Variants in EPHA6 observed in about 807,000 individuals in gnomAD.
EPHA6 encodes the protein ephrin type-A receptor 6.
A neutral mutation model predicts 112.0 loss-of-function variants in EPHA6; 50 were observed. That is an observed-to-expected ratio of 0.45 (90% confidence interval 0.36 to 0.56). The LOEUF (loss-of-function observed/expected upper bound fraction) is 0.56. Ranked by LOEUF, EPHA6 falls within the 20% of genes least tolerant of loss-of-function variation. The probability of loss-of-function intolerance (pLI) is 0.00; values close to 1 mark genes in which losing one functional copy is unlikely to be tolerated. For missense variants in EPHA6, 1,280 were observed against 1,417.4 expected (o/e 0.90, Z 1.56); for synonymous variants, 529 against 490.7 (o/e 1.08, Z -1.03).
At chr3:97,528,819 C>G (rs2092660827) in intron 10 of EPHA6, among the ~76,000 whole-genome samples, 1 of 152,080 alleles carries the variant, frequency 6.6e-6, no homozygotes, top group African/African-American at 2.4e-5. Context: ...ATTGCTTGTC[C>G]AGGAATGTTT....
intron 12 of EPHA6, among the ~76,000 whole-genome samples, chr3:97,603,463 G>A (rs183713451): frequency 5.9e-4 from 90 of 151,824 alleles, no homozygotes; most frequent in Admixed American, 1.6e-3. Flanking sequence ...TATTTTTTCA[G>A]CATTTTTCCA....
intron 14 of EPHA6, among the ~76,000 whole-genome samples, chr3:97,709,197 G>T (rs1439928248): frequency 6.6e-6 from 1 of 151,562 alleles, no homozygotes; most frequent in African/African-American, 2.4e-5. Context: ...ACGCCAGCCT[G>T]TGAAAGCAGC....
chr3:97,382,919 G>C (rs551357650), intron 5 of EPHA6, among the ~76,000 whole-genome samples: 14 of 152,108 alleles, frequency 9.2e-5, no homozygotes, highest in African/African-American at 3.1e-4. Flanking sequence ...AACTAAGGTA[G>C]CAAGATGTCA....
intron 3 of EPHA6, among the ~76,000 whole-genome samples, chr3:97,005,214 C>A (rs1198024066): frequency 6.6e-6 from 1 of 152,080 alleles, no homozygotes; most frequent in Non-Finnish European, 1.5e-5. Flanking sequence ...AGCAGTATGG[C>A]CATTTTCACA....
chr3:96,861,759 G>C (rs1391052345), intron 1 of EPHA6, among the ~76,000 whole-genome samples: 4 of 151,876 alleles, frequency 2.6e-5, no homozygotes, highest in Admixed American at 2.6e-4. Context: ...AAAACAAAAT[G>C]CTGTAAGTAC....
intron 10 of EPHA6, among the ~76,000 whole-genome samples, chr3:97,500,590 C>T (rs2092094130): frequency 6.6e-6 from 1 of 152,200 alleles, no homozygotes; most frequent in Non-Finnish European, 1.5e-5. Flanking sequence ...GCCCGGCCTA[C>T]AACACTGGGG....
At chr3:96,958,775 C>T (rs2041854848) in intron 2 of EPHA6, among the ~76,000 whole-genome samples, 1 of 152,150 alleles carries the variant, frequency 6.6e-6, no homozygotes, top group Non-Finnish European at 1.5e-5. Context: ...GTGGAACTCA[C>T]CCATGTTGAT....
chr3:97,450,248 G>A (rs1020015182), intron 7 of EPHA6, among the ~76,000 whole-genome samples: 2 of 151,818 alleles, frequency 1.3e-5, no homozygotes, highest in Non-Finnish European at 2.9e-5. Context: ...TCCCCTGCCC[G>A]CTTGTCAAAC....
At chr3:97,195,743 T>A (rs1314728502) in intron 3 of EPHA6, among the ~76,000 whole-genome samples, 1 of 152,086 alleles carries the variant, frequency 6.6e-6, no homozygotes, top group Admixed American at 6.6e-5. Context: ...ATTTGAATGA[T>A]ATTTTCACTA....
intron 5 of EPHA6, among the ~76,000 whole-genome samples, chr3:97,274,683 C>T (rs546220610): frequency 6.6e-6 from 1 of 152,160 alleles, no homozygotes; most frequent in South Asian, 2.1e-4. Context: ...GCATAGCCTG[C>T]CTTTGCTGGT....
intron 11 of EPHA6, among the ~76,000 whole-genome samples, chr3:97,541,925 G>T (rs2092861652): frequency 6.6e-6 from 1 of 151,514 alleles, no homozygotes; most frequent in South Asian, 2.1e-4. Context: ...TAACTCACAT[G>T]ATTAGAAGGT....
intron 1 of EPHA6, among the ~76,000 whole-genome samples, chr3:96,839,538 A>T (rs1340972169): frequency 6.6e-6 from 1 of 152,086 alleles, no homozygotes; most frequent in African/African-American, 2.4e-5. Context: ...GGAAGACTTT[A>T]GTTGGGAACT....
At chr3:97,416,423 C>A (rs895412958) in intron 6 of EPHA6, among the ~76,000 whole-genome samples, 1 of 151,942 alleles carries the variant, frequency 6.6e-6, no homozygotes, top group Non-Finnish European at 1.5e-5. Context: ...TTGGATTAGG[C>A]ACTAACCTAA....
chr3:97,425,110 G>A lies in EPHA6; in HGVS notation c.1731+19836G>A, dbSNP rs532352821. On this transcript the variant is annotated intron_variant, in intron 6 of 17. Transcript: ENST00000389672. ...CTCCTGGCTGCTATCACAGGCTGGCGTTGAGTGTGTGTGACTTTTCCAGGT... is the reference window on the plus strand; with the variant it reads ...CTCCTGGCTGCTATCACAGGCTGGCATTGAGTGTGTGTGACTTTTCCAGGT... Among the ~76,000 whole-genome samples the A allele has an allele frequency of 3.2e-3, 494 of 152,286 alleles. 2 individuals carry two copies. Among genetic ancestry groups the A allele is most frequent in the Middle Eastern group, 0.01 (3 of 294 alleles).
At chr3:96,873,474 G>A (rs912634690) in intron 2 of EPHA6, among the ~76,000 whole-genome samples, 1 of 151,960 alleles carries the variant, frequency 6.6e-6, no homozygotes, top group Non-Finnish European at 1.5e-5. Context: ...ATTATGTAAT[G>A]GGTTGCAACA....
intron 10 of EPHA6, among the ~76,000 whole-genome samples, chr3:97,512,788 C>T (rs2092387908): frequency 6.6e-6 from 1 of 152,172 alleles, no homozygotes; most frequent in Non-Finnish European, 1.5e-5. Flanking sequence ...TGGTCTCAAA[C>T]TCCTGACTTC....
chr3:96,849,100 C>T (rs1429679749), intron 1 of EPHA6, among the ~76,000 whole-genome samples: 1 of 152,128 alleles, frequency 6.6e-6, no homozygotes, highest in East Asian at 1.9e-4. Context: ...TGAAGTTTAG[C>T]TTCCAAGCAG....
At chr3:97,287,189 C>T (rs2080497566) in intron 5 of EPHA6, among the ~76,000 whole-genome samples, 1 of 152,098 alleles carries the variant, frequency 6.6e-6, no homozygotes, top group Admixed American at 6.5e-5. Flanking sequence ...CACCTACAAA[C>T]AGAAACCATT....
intron 2 of EPHA6, among the ~76,000 whole-genome samples, chr3:96,884,908 A>G (rs2037536483): frequency 6.6e-6 from 1 of 152,118 alleles, no homozygotes; most frequent in Admixed American, 6.5e-5. Context: ...ATGTATGCCA[A>G]TTTTGCTGAA....
Sources: allele counts gnomAD v4.1 joint callset (sites outside exome capture counted in the v4.1 genomes callset), GRCh38; gene constraint gnomAD v4.1.1; transcripts MANE v1.5; gene names NCBI Gene and HGNC (gene_info 2026-07-23, HGNC 2026-07-21).